SELP: variants seen among roughly 807,000 people sequenced by gnomAD.
SELP encodes selectin P.
Under a neutral mutation model 104.1 loss-of-function variants are expected in SELP, and 92 were observed. The ratio of observed to expected loss-of-function variants is 0.88; its 90% CI spans 0.75 to 1.05. The LOEUF is 1.05. Among genes scored for constraint, SELP ranks in the 50% least tolerant of loss-of-function variants. The pLI, the probability that SELP is intolerant of heterozygous loss-of-function variation, is 0.00. For synonymous variants in SELP, 397 were observed against 364.5 expected (o/e 1.09, Z -1.01); for missense variants, 1,022 against 1,017.3 (o/e 1.00, Z -0.06).
intron 8 of SELP, among the ~76,000 whole-genome samples, chr1:169,607,837 C>T (rs1368740819): frequency 6.6e-6 from 1 of 152,122 alleles, no homozygotes; most frequent in Non-Finnish European, 1.5e-5. Flanking sequence ...GTAATAATAT[C>T]ATTAAGGCTT....
rs1662384905 is a variant in SELP, at chr1:169,609,546, C to T, written c.1291G>A (p.Asp431Asn). 1.2e-6 allele frequency: 2 copies of T among 1,613,842 alleles called. No homozygotes were observed. The highest frequency in any genetic ancestry group is 1.1e-5 in the South Asian group (1 of 91,080). Residue 431 changes from aspartate to asparagine, a missense_variant, in exon 8 of 17, where the codon GAT (aspartate) becomes AAT (asparagine). By Grantham distance (23) the Asp-to-Asn change is conservative. Transcript: ENST00000263686. ...GGTGCTGTCCACTGTCCCAAGTTAT[C>T]ACACCGAACTATATCGGCTCCTCTC... ...MLRGADIVRC[D>N]NLGQWTAPAP...
chr1:169,608,938 G>T, intron 8 of SELP, among the ~76,000 whole-genome samples: 1 of 152,136 alleles, frequency 6.6e-6, no homozygotes, highest in East Asian at 1.9e-4. Context: ...CTAACATATT[G>T]AAAGAGGATC....
chr1:169,609,779 C>T, intron 7 of SELP, 90 bp from the exon 8 acceptor site: 2 of 1,240,144 alleles, frequency 1.6e-6, no homozygotes, highest in Non-Finnish European at 2.2e-6. Flanking sequence ...TCTTTCCTGT[C>T]CACATTTTCA....
At chr1:169,627,815 G>C (rs764725797) in intron 1 of SELP, among the ~76,000 whole-genome samples, 2 of 152,206 alleles carry the variant, frequency 1.3e-5, no homozygotes, top group Admixed American at 1.3e-4. Context: ...GAAAAGAAGA[G>C]TAAGGACTGG....
chr1:169,622,423 G>C (rs1663183085), intron 1 of SELP, among the ~76,000 whole-genome samples: 1 of 152,158 alleles, frequency 6.6e-6, no homozygotes, highest in Non-Finnish European at 1.5e-5. Flanking sequence ...TCATATGAAT[G>C]AAGTTTCTCA....
At chr1:169,619,066 C>T in intron 2 of SELP, 63 bp downstream of exon 2, 2 of 1,334,688 alleles carry the variant, frequency 1.5e-6, no homozygotes, top group Non-Finnish European at 2.1e-6. Flanking sequence ...AAATTTCTCA[C>T]ACATAGATCT....
At chr1:169,609,972 C>T (rs1199533509) in intron 7 of SELP, among the ~76,000 whole-genome samples, 2 of 152,078 alleles carry the variant, frequency 1.3e-5, no homozygotes, top group Non-Finnish European at 1.5e-5. Flanking sequence ...AATGTGCTCC[C>T]ACAGCCTCTG....
rs1321739267 is a variant in SELP at position 169,604,768 on chromosome 1, G to T, written c.1520-1557C>A. 3.9e-5 allele frequency among the ~76,000 whole-genome samples: 6 copies of T among 152,298 alleles called. No individual in the cohort carries two copies. The East Asian group carries it at 9.6e-4, about 24-fold the overall frequency. On this transcript the variant is annotated intron_variant, in intron 9 of 16. Coordinates refer to ENST00000263686, the MANE Select transcript of SELP (RefSeq NM_003005.4). ...ACTGCAAGGACTTATGGGGGAAAGG[G>T]TGTGGGTGAGGATGTTGGTACCACA...
chr1:169,616,316 A>G (rs1662808043), intron 3 of SELP, among the ~76,000 whole-genome samples: 1 of 152,220 alleles, frequency 6.6e-6, no homozygotes, highest in Admixed American at 6.5e-5. Flanking sequence ...AATGTAGAGC[A>G]AAGAATGTGG....
chr1:169,625,267 C>G (rs1233745694), intron 1 of SELP, among the ~76,000 whole-genome samples: 5 of 152,184 alleles, frequency 3.3e-5, no homozygotes, highest in Non-Finnish European at 5.9e-5. Context: ...CTTAGCTCTT[C>G]TGTTGTTCTT....
rs1323501380 is a variant in SELP at position 169,594,760 on chromosome 1, A to G, written c.2219T>C (p.Leu740Pro). Residue 740 changes from leucine (L) to proline (P), a missense_variant, in exon 13 of 17, where the codon CTT (leucine) becomes CCT (proline). By Grantham distance (98) the Leu-to-Pro change is moderately conservative. Coordinates refer to ENST00000263686, the MANE Select transcript of SELP (RefSeq NM_003005.4). ...GCATGCTGTTTGTGCAGAGCCATTAAGTAACTGGCCCTCTAGACAATGGAA... is the reference window on the plus strand; with the variant it reads ...GCATGCTGTTTGTGCAGAGCCATTAGGTAACTGGCCCTCTAGACAATGGAA... ...CSFHCLEGQLLNGSAQTACQE... is the reference protein window; with the variant it reads ...CSFHCLEGQLPNGSAQTACQE... 1 of 1,613,792 alleles carries G rather than the reference A, an allele frequency of 6.2e-7. No individual in the cohort carries two copies. The highest frequency in any genetic ancestry group is 8.5e-7 in the Non-Finnish European group (1 of 1,179,844).
At position 169,613,705 on chromosome 1, in the gene SELP, T is replaced by C. The variant is rs1429025431; in HGVS notation, c.482-12A>G. The C allele has an allele frequency of 4.3e-6, 7 of 1,610,436 alleles. No homozygotes were observed. The South Asian group carries it at 6.6e-5, about 15-fold the overall frequency. ...GTCCTGGCAGGAGGCTGCATAGATA[T>C]GGAAAGGTCAGAGTCATGGACATTC... On this transcript the variant is annotated splice_polypyrimidine_tract_variant and intron_variant, in intron 3 of 16. Transcript: ENST00000263686.
chr1:169,622,385 A>G (rs1663181870), intron 1 of SELP, among the ~76,000 whole-genome samples: 1 of 152,220 alleles, frequency 6.6e-6, no homozygotes, highest in Non-Finnish European at 1.5e-5. Context: ...ACATTGCTAT[A>G]ATAAAACTTC....
chr1:169,596,079 C>T lies in SELP; in HGVS notation c.1947G>A (p.Gly649=). 1.9e-6 allele frequency: 3 copies of T among 1,613,844 alleles called. No homozygotes were observed. Among genetic ancestry groups the T allele is most frequent in the Non-Finnish European group, 2.5e-6 (3 of 1,179,836 alleles). The change falls in exon 12 of 17, where the codon GGG becomes GGA. Residue 649 remains glycine (G), a synonymous_variant. Transcript: ENST00000263686. ...GVQCPALTTP[G]QGTMYCRHHP... ...GATGCCTACAGTACATGGTTCCCTGCCCAGGAGTGGTGAGGGCTGGACATT... is the reference window on the plus strand; with the variant it reads ...GATGCCTACAGTACATGGTTCCCTGTCCAGGAGTGGTGAGGGCTGGACATT...
rs1317090945 is a variant in SELP, at chr1:169,612,240, G to C, written c.938C>G (p.Thr313Arg). 1 of 1,614,022 alleles carries C rather than the reference G, an allele frequency of 6.2e-7. No homozygotes were observed. Among genetic ancestry groups the C allele is most frequent in the Non-Finnish European group, 8.5e-7 (1 of 1,179,994 alleles). The part of the protein sequence containing the change: ...VVQCTASGVW[T>R]APAPVCKAVQ... ...ACCTTTACACACTGGGGCTGGGGCTGTCCATACCCCCGAGGCTGTGCATTG... is the reference window on the plus strand; with the variant it reads ...ACCTTTACACACTGGGGCTGGGGCTCTCCATACCCCCGAGGCTGTGCATTG... Residue 313 changes from threonine (T) to arginine (R), a missense_variant, in exon 6 of 17, where the codon ACA (threonine) becomes AGA (arginine). Thr to Arg is a moderately conservative substitution (Grantham distance 71, BLOSUM62 -1). Transcript: ENST00000263686.
chr1:169,611,485 A>C lies in SELP; in HGVS notation c.1147+7T>G. The C allele has an allele frequency of 6.2e-7, 1 of 1,613,402 alleles. No individual in the cohort carries two copies. The highest frequency in any genetic ancestry group is 8.5e-7 in the Non-Finnish European group (1 of 1,179,606). On this transcript the variant is annotated splice_region_variant and intron_variant, in intron 7 of 16. Transcript: ENST00000263686. ...ACAGAATGGAGGTTGCTAATGAAAA[A>C]TCCTACCCTCACAGGTTGGCAAGGG... is the stretch of plus-strand genomic sequence containing the variant.
intron 13 of SELP, 110 bp downstream of exon 13, chr1:169,594,582 G>A: frequency 9.6e-7 from 1 of 1,038,944 alleles, no homozygotes; most frequent in Non-Finnish European, 1.4e-6. Context: ...TAAGCAGGGG[G>A]AAACCCGGGG....
At chr1:169,621,550 G>C (rs1008351772) in intron 1 of SELP, among the ~76,000 whole-genome samples, 1 of 151,884 alleles carries the variant, frequency 6.6e-6, no homozygotes, top group Non-Finnish European at 1.5e-5. Flanking sequence ...GGGACAGTGT[G>C]GGGTCATGTG....
chr1:169,590,757 T>C (rs1661319125), intron 15 of SELP, among the ~76,000 whole-genome samples: 1 of 152,018 alleles, frequency 6.6e-6, no homozygotes, highest in African/African-American at 2.4e-5. Flanking sequence ...ATTACAAAAA[T>C]AAAAAAATAC....
Sources: gnomAD v4.1 joint callset for allele counts (sites outside exome capture counted in the v4.1 genomes callset) on GRCh38, gnomAD v4.1.1 for gene constraint, MANE v1.5 for transcripts, NCBI Gene and HGNC (gene_info 2026-07-23, HGNC 2026-07-21) for gene names.